The following AXDND1 variants were observed in gnomAD, a reference collection of about 807,000 sequenced individuals.
AXDND1 encodes axonemal dynein light chain domain containing 1.
In AXDND1, 110 loss-of-function variants were observed where a neutral mutation model predicts 137.5. The ratio of observed to expected loss-of-function variants is 0.80; its 90% confidence interval spans 0.69 to 0.94. The LOEUF (loss-of-function observed/expected upper bound fraction) is 0.94. AXDND1 is among the 40% of genes least tolerant of loss of function. The pLI is 0.00. For synonymous variants in AXDND1, 414 were observed against 399.7 expected, an observed-to-expected ratio of 1.04 and a Z score of -0.43; for missense variants, 1,191 against 1,169.8, an observed-to-expected ratio of 1.02 and a Z score of -0.26.
intron 23 of AXDND1, among the ~76,000 whole-genome samples, chr1:179,529,830 G>A (rs1572182602): frequency 2.0e-5 from 3 of 152,038 alleles, no homozygotes; most frequent in South Asian, 2.1e-4. Flanking sequence ...GCCAGGCAGC[G>A]GCTATTTCAA....
intron 15 of AXDND1, among the ~76,000 whole-genome samples, chr1:179,444,110 GAA>G (rs1429745892): frequency 6.7e-6 from 1 of 148,862 alleles, no homozygotes; most frequent in Non-Finnish European, 1.5e-5. Context: ...AGAAAAAATA[GAA>G]AAAAGTCATA....
rs1386237927 is a variant in AXDND1, at chr1:179,491,690, G to A, written c.2244G>A (p.Ala748=). The A allele has an allele frequency of 4.4e-6, 7 of 1,601,256 alleles. No homozygotes were observed. Among genetic ancestry groups the A allele is most frequent in the Admixed American group, 1.7e-5 (1 of 57,380 alleles). Residue 748 remains alanine, a synonymous_variant, in exon 19 of 26, where the codon GCG becomes GCA. Coordinates refer to ENST00000367618, the MANE Select transcript of AXDND1 (RefSeq NM_144696.6). ...DIGVARLELD[A]IELTRKLYQY... ...GAGTTGCGCGATTGGAGCTAGATGCGATTGAACTGACAAGGAAGTTGTACC... is the reference window on the plus strand; with the variant it reads ...GAGTTGCGCGATTGGAGCTAGATGCAATTGAACTGACAAGGAAGTTGTACC...
intron 12 of AXDND1, among the ~76,000 whole-genome samples, chr1:179,424,145 G>A (rs912549441): frequency 6.6e-5 from 5 of 76,280 alleles, no homozygotes; most frequent in South Asian, 3.3e-4. Context: ...TTGTTCGTTT[G>A]TTTGTTTGTT....
chr1:179,429,883 TA>T (rs1332270707), intron 13 of AXDND1, among the ~76,000 whole-genome samples: 2 of 150,430 alleles, frequency 1.3e-5, no homozygotes, highest in African/African-American at 2.5e-5. Flanking sequence ...ATGGTTAAAG[TA>T]AAAAAAGTAA....
chr1:179,442,107 A>G (rs538407412), intron 15 of AXDND1, among the ~76,000 whole-genome samples: 5 of 152,206 alleles, frequency 3.3e-5, no homozygotes, highest in South Asian at 2.1e-4. Context: ...GAAAAGCACA[A>G]GGTCCTAAGG....
intron 18 of AXDND1, among the ~76,000 whole-genome samples, chr1:179,488,708 G>GTC (rs774512140): frequency 3.1e-5 from 3 of 95,822 alleles, no homozygotes; most frequent in Admixed American, 1.1e-4. Flanking sequence ...TCCTCTCTCT[G>GTC]TCTCTCTCTC....
chr1:179,508,141 A>G (rs968961336), intron 20 of AXDND1, among the ~76,000 whole-genome samples: 1 of 152,094 alleles, frequency 6.6e-6, no homozygotes, highest in Non-Finnish European at 1.5e-5. Context: ...TGAATTGCTT[A>G]AGTCCAGGAG....
chr1:179,483,334 T>TAGA, intron 18 of AXDND1, 113 bp downstream of exon 18: 1 of 575,526 alleles, frequency 1.7e-6, no homozygotes. Context: ...GAGGGCAAAA[T>TAGA]AGAAGCTTGT....
chr1:179,507,688 G>T (rs1668662699), intron 20 of AXDND1, among the ~76,000 whole-genome samples: 5 of 151,808 alleles, frequency 3.3e-5, no homozygotes, highest in Admixed American at 3.3e-4. Flanking sequence ...TACAAATCAG[G>T]GCTTCCCCCA....
At chr1:179,387,387 G>A (rs1649390851) in intron 9 of AXDND1, among the ~76,000 whole-genome samples, 1 of 152,156 alleles carries the variant, frequency 6.6e-6, no homozygotes, top group Non-Finnish European at 1.5e-5. Context: ...CCACTTGTGC[G>A]ATAATGACCC....
intron 25 of AXDND1, among the ~76,000 whole-genome samples, chr1:179,539,942 T>C (rs1048854523): frequency 3.9e-5 from 6 of 151,988 alleles, no homozygotes; most frequent in African/African-American, 1.4e-4. Context: ...ATTAATTTGA[T>C]CTTCAATCAC....
chr1:179,423,177 C>T (rs1315873734), intron 12 of AXDND1, among the ~76,000 whole-genome samples: 3 of 146,622 alleles, frequency 2.0e-5, no homozygotes, highest in African/African-American at 7.6e-5. Flanking sequence ...TGAATTGAAT[C>T]CTTTATAATT....
At chr1:179,420,014 G>C (rs537072588) in intron 12 of AXDND1, among the ~76,000 whole-genome samples, 2 of 152,102 alleles carry the variant, frequency 1.3e-5, no homozygotes, top group Non-Finnish European at 2.9e-5. Flanking sequence ...TCCTTGTCTT[G>C]TTCTAGATCT....
intron 20 of AXDND1, among the ~76,000 whole-genome samples, chr1:179,502,580 A>G (rs980451380): frequency 2.0e-5 from 3 of 151,802 alleles, no homozygotes; most frequent in East Asian, 1.9e-4. Context: ...AAAAAAAAAA[A>G]AAAAAGAAAT....
intron 17 of AXDND1, among the ~76,000 whole-genome samples, chr1:179,479,475 CAA>C (rs55719902): frequency 1.5e-5 from 2 of 133,594 alleles, no homozygotes; most frequent in Non-Finnish European, 3.1e-5. Flanking sequence ...AACTCTGTCT[CAA>C]AAAAAAAAAA....
chr1:179,526,407 A>G (rs1023644782), intron 22 of AXDND1, among the ~76,000 whole-genome samples: 4 of 152,190 alleles, frequency 2.6e-5, no homozygotes, highest in African/African-American at 9.7e-5. Context: ...TGAAGCTCAG[A>G]GAGGTTGACT....
At chr1:179,390,939 T>C (rs1650070358) in intron 9 of AXDND1, among the ~76,000 whole-genome samples, 1 of 152,118 alleles carries the variant, frequency 6.6e-6, no homozygotes, top group Non-Finnish European at 1.5e-5. Context: ...ACTGAGTAGC[T>C]GGGATTATAG....
At chr1:179,458,465 A>T (rs1292059794) in intron 16 of AXDND1, among the ~76,000 whole-genome samples, 1 of 152,108 alleles carries the variant, frequency 6.6e-6, no homozygotes, top group Non-Finnish European at 1.5e-5. Flanking sequence ...AAACCCATCA[A>T]TTTTCTGTTA....
At chr1:179,526,397 T>C (rs576442878) in intron 22 of AXDND1, among the ~76,000 whole-genome samples, 29 of 152,302 alleles carry the variant, frequency 1.9e-4, no homozygotes, top group African/African-American at 6.0e-4. Flanking sequence ...ATAAGAAAAC[T>C]GAAGCTCAGA....
Sources: gnomAD v4.1 joint callset for allele counts (sites outside exome capture counted in the v4.1 genomes callset) on GRCh38, gnomAD v4.1.1 for gene constraint, MANE v1.5 for transcripts, NCBI Gene and HGNC (gene_info 2026-07-23, HGNC 2026-07-21) for gene names.